The following RAPGEF4 variants were observed in gnomAD, a reference collection of about 807,000 sequenced individuals.
The protein encoded by RAPGEF4 is RAP guanine-nucleotide-exchange factor (GEF) 4.
RAPGEF4 carries 66 observed loss-of-function variants against 147.9 expected under a neutral mutation model. That is an observed-to-expected ratio of 0.45 (90% confidence interval 0.37 to 0.55). RAPGEF4 has a LOEUF of 0.55. RAPGEF4 is among the 20% of genes least tolerant of loss of function. The pLI, the probability that RAPGEF4 is intolerant of heterozygous loss-of-function variation, is 0.00. For synonymous variants in RAPGEF4, 419 were observed against 442.7 expected (o/e 0.95, Z 0.67); for missense variants, 1,071 against 1,257.3 (o/e 0.85, Z 2.24).
intron 4 of RAPGEF4, among the ~76,000 whole-genome samples, chr2:172,911,589 G>A (rs1241069542): frequency 6.6e-6 from 1 of 151,906 alleles, no homozygotes; most frequent in Non-Finnish European, 1.5e-5. Flanking sequence ...CTCCCGAGTA[G>A]CTGGAATTAT....
intron 4 of RAPGEF4, among the ~76,000 whole-genome samples, chr2:172,884,378 A>G (rs1559096626): frequency 6.6e-6 from 1 of 152,238 alleles, no homozygotes; most frequent in African/African-American, 2.4e-5. Context: ...TGCAGTCAGT[A>G]GTGTTCCTAC....
chr2:172,856,325 C>A lies in RAPGEF4; in HGVS notation c.444+41900C>A, dbSNP rs149666183. Among the ~76,000 whole-genome samples the A allele has an allele frequency of 5.2e-3, 798 of 152,182 alleles. 6 individuals carry two copies. The highest frequency in any genetic ancestry group is 7.8e-3 in the Non-Finnish European group (530 of 67,976). Reference sequence around the variant, plus strand: ...TGTTACTTTTTAATAACTTGTACTTCTCTGCTGAGATTTCTTTTATGTCCT... The same window carrying A: ...TGTTACTTTTTAATAACTTGTACTTATCTGCTGAGATTTCTTTTATGTCCT... On this transcript the variant is annotated intron_variant, in intron 4 of 30. Transcript: ENST00000397081.
At chr2:172,974,471 C>G in intron 10 of RAPGEF4, among the ~76,000 whole-genome samples, 1 of 152,092 alleles carries the variant, frequency 6.6e-6, no homozygotes, top group East Asian at 1.9e-4. Context: ...ATCACTTGAA[C>G]CCAGGAGTTC....
At chr2:172,768,389 A>C (rs1387600804) in intron 1 of RAPGEF4, among the ~76,000 whole-genome samples, 1 of 152,178 alleles carries the variant, frequency 6.6e-6, no homozygotes, top group Admixed American at 6.5e-5. Flanking sequence ...ACAGAAAATG[A>C]AGCTATTTAT....
At chr2:172,969,302 C>G (rs1049343452) in intron 10 of RAPGEF4, among the ~76,000 whole-genome samples, 1 of 152,234 alleles carries the variant, frequency 6.6e-6, no homozygotes, top group African/African-American at 2.4e-5. Flanking sequence ...GAAGGCTTCT[C>G]CTCCTTGGAG....
In RAPGEF4 at chr2:172,896,586, C is replaced by A. The variant is rs561814136; in HGVS notation, c.445-21216C>A. On this transcript the variant is annotated intron_variant, in intron 4 of 30. Coordinates refer to ENST00000397081, the MANE Select transcript of RAPGEF4 (RefSeq NM_007023.4). ...CCACCAACACCATCCCACCCCCCCC[C>A]AAAAAAATCCAGTTTTGGTTAAGTT... Among the ~76,000 whole-genome samples the A allele has an allele frequency of 2.2e-3, 335 of 151,736 alleles. 3 individuals are homozygous for A. Among genetic ancestry groups the A allele is most frequent in the African/African-American group, 6.3e-3 (261 of 41,346 alleles).
chr2:173,008,969 T>G (rs1055767239), intron 17 of RAPGEF4, among the ~76,000 whole-genome samples: 15 of 152,198 alleles, frequency 9.9e-5, no homozygotes, highest in Non-Finnish European at 2.9e-5. Flanking sequence ...CTTCACCTCT[T>G]CTGATTCTCA....
intron 4 of RAPGEF4, among the ~76,000 whole-genome samples, chr2:172,873,130 C>T (rs760600846): frequency 6.6e-6 from 1 of 152,166 alleles, no homozygotes; most frequent in African/African-American, 2.4e-5. Context: ...AATTTTCTCA[C>T]AGTGAATACA....
At chr2:173,019,841 C>T (rs1337349110) in intron 22 of RAPGEF4, among the ~76,000 whole-genome samples, 1 of 152,204 alleles carries the variant, frequency 6.6e-6, no homozygotes, top group Admixed American at 6.5e-5. Context: ...CATTCCCTTT[C>T]TAAAATGTTA....
intron 4 of RAPGEF4, among the ~76,000 whole-genome samples, chr2:172,911,439 C>T (rs1423044109): frequency 2.0e-5 from 3 of 152,124 alleles, no homozygotes; most frequent in Admixed American, 6.5e-5. Flanking sequence ...GAGTTGTTTT[C>T]TGTGGCTCCT....
rs569426827 is a variant in RAPGEF4 at position 172,821,878 on chromosome 2, G to T, written c.444+7453G>T. ...AGTAGACACGAACAGGGAATGAACG[G>T]CAATGAAGGTACATTTTGCTGATCA... On this transcript the variant is annotated intron_variant, in intron 4 of 30. Coordinates refer to ENST00000397081, the MANE Select transcript of RAPGEF4 (RefSeq NM_007023.4). 7 of 1,597,892 alleles carry T rather than the reference G, an allele frequency of 4.4e-6. No individual in the cohort carries two copies. The Admixed American group carries it at 1.0e-4, about 23-fold the overall frequency.
At chr2:172,918,455 G>A (rs1559119479) in intron 5 of RAPGEF4, among the ~76,000 whole-genome samples, 1 of 150,692 alleles carries the variant, frequency 6.6e-6, no homozygotes, top group Non-Finnish European at 1.5e-5. Context: ...TGCTTAACTG[G>A]AGTAGTCATT....
At chr2:172,890,264 G>A (rs1697752125) in intron 4 of RAPGEF4, among the ~76,000 whole-genome samples, 1 of 152,246 alleles carries the variant, frequency 6.6e-6, no homozygotes, top group African/African-American at 2.4e-5. Flanking sequence ...GGGGCTTAGA[G>A]TCAGGACTTT....
chr2:172,982,174 C>T (rs1430331735), intron 10 of RAPGEF4, among the ~76,000 whole-genome samples: 1 of 152,168 alleles, frequency 6.6e-6, no homozygotes, highest in African/African-American at 2.4e-5. Flanking sequence ...CACCAATACT[C>T]CTCAAATTTC....
intron 17 of RAPGEF4, among the ~76,000 whole-genome samples, chr2:173,005,121 T>TC (rs540558821): frequency 4.9e-5 from 1 of 20,506 alleles, no homozygotes; most frequent in African/African-American, 1.6e-4. Context: ...GGTTTTTTTC[T>TC]TTTTTTTTTG....
chr2:172,938,214 T>TACACACACACAC (rs57780996), intron 6 of RAPGEF4, among the ~76,000 whole-genome samples: 22 of 148,266 alleles, frequency 1.5e-4, no homozygotes, highest in African/African-American at 4.5e-4. Flanking sequence ...TATCTGTAAG[T>TACACACACACAC]ACACACACAC....
chr2:172,916,152 G>A lies in RAPGEF4; in HGVS notation c.445-1650G>A, dbSNP rs934956126. Among the ~76,000 whole-genome samples the A allele has an allele frequency of 1.3e-5, 2 of 152,166 alleles. 1 individual carries two copies. The highest frequency in any genetic ancestry group is 4.8e-5 in the African/African-American group (2 of 41,418). On this transcript the variant is annotated intron_variant, in intron 4 of 30. Coordinates refer to ENST00000397081, the MANE Select transcript of RAPGEF4 (RefSeq NM_007023.4). ...GACAGCAACAGACCAGGTGCTATGG[G>A]GCTTGAAGGAAGATGAAGTCCCATT...
At chr2:172,765,598 T>G (rs1370845844) in intron 1 of RAPGEF4, among the ~76,000 whole-genome samples, 1 of 152,214 alleles carries the variant, frequency 6.6e-6, no homozygotes, top group Non-Finnish European at 1.5e-5. Context: ...TGACTATGCC[T>G]GTGCTGAGTA....
intron 3 of RAPGEF4, among the ~76,000 whole-genome samples, chr2:172,798,271 TAAAAAAGAAAGAAAGAATATTA>T (rs911231846): frequency 3.3e-5 from 5 of 151,766 alleles, no homozygotes; most frequent in African/African-American, 1.2e-4. Flanking sequence ...AAAACAAAAT[TAAAAAAGAAAGAAAGAATATTA>T]AAAAAAGAAA....
Sources: gnomAD v4.1 joint callset for allele counts (sites outside exome capture counted in the v4.1 genomes callset) on GRCh38, gnomAD v4.1.1 for gene constraint, MANE v1.5 for transcripts, NCBI Gene and HGNC (gene_info 2026-07-23, HGNC 2026-07-21) for gene names.